ZNF253: variants seen among roughly 807,000 people sequenced by gnomAD.
ZNF253 encodes zinc finger protein 253.
In ZNF253, 8 loss-of-function variants were observed where a neutral mutation model predicts 11.9. The observed-to-expected ratio is 0.67, with a 90% confidence interval of 0.40 to 1.22. The LOEUF (loss-of-function observed/expected upper bound fraction) is 1.22. ZNF253 is among the 50% of genes most tolerant of loss of function. ZNF253 has a pLI of 0.01. For missense variants in ZNF253, 485 were observed against 586.9 expected (o/e 0.83, Z 1.79); for synonymous variants, 194 against 194.9 (o/e 1.00, Z 0.04).
At chr19:19,878,384 CAG>C (rs1284591459) in intron 1 of ZNF253, 95 bp from the exon 2 acceptor site, 1 of 1,595,542 alleles carries the variant, frequency 6.3e-7, no homozygotes. Flanking sequence ...TCCTTTGAGT[CAG>C]AACCAGTTCT....
At chr19:19,888,948 T>C (rs1477981905) in intron 3 of ZNF253, among the ~76,000 whole-genome samples, 1 of 152,006 alleles carries the variant, frequency 6.6e-6, no homozygotes, top group Non-Finnish European at 1.5e-5. Context: ...CTCCTTTTTA[T>C]ATGATAGTAC....
chr19:19,869,654 C>T (rs191283454), intron 1 of ZNF253, among the ~76,000 whole-genome samples: 109 of 139,166 alleles, frequency 7.8e-4, no homozygotes, highest in South Asian at 2.6e-3. Flanking sequence ...AGCCACCATG[C>T]CTGGCCTTTT....
intron 3 of ZNF253, among the ~76,000 whole-genome samples, chr19:19,885,267 CT>C (rs1193211759): frequency 1.8e-5 from 1 of 56,746 alleles, no homozygotes; most frequent in African/African-American, 2.6e-4. Flanking sequence ...TTCTTTCTTT[CT>C]TTCTTTCTTT....
chr19:19,885,222 T>C lies in ZNF253; in HGVS notation c.226+5076T>C, dbSNP rs559018533. Among the ~76,000 whole-genome samples the C allele has an allele frequency of 1.8e-3, 79 of 44,478 alleles. 3 individuals carry two copies. The highest frequency in any genetic ancestry group is 0.013 in the African/African-American group (75 of 5,584). The allele number at this position is 44,478 out of a possible 152,430, so 29.2% of individuals were successfully genotyped here. On this transcript the variant is annotated intron_variant, in intron 3 of 3. Coordinates refer to ENST00000589717, the MANE Select transcript of ZNF253 (RefSeq NM_021047.3). The stretch of plus-strand genomic sequence containing the variant: ...TGTCATGTCTTTTTTTTGTATTCTT[T>C]CTTTCTTTCTTTCTTTCTTTCTTTC...
Position 19,880,127 on chromosome 19 carries a change from G to A in ZNF253, c.207G>A (p.Glu69=). The A allele has an allele frequency of 6.2e-7, 1 of 1,608,836 alleles. No homozygotes were observed. The highest frequency in any genetic ancestry group is 8.5e-7 in the Non-Finnish European group (1 of 1,177,642). ...GKKPLTMERH[E]MIAKPPVMSS... ...AACCTTTAACTATGGAAAGACATGA[G>A]ATGATTGCCAAACCCCCAGGTAGGT... Residue 69 remains glutamate, a synonymous_variant, in exon 3 of 4, where the codon GAG becomes GAA. Coordinates refer to ENST00000589717, the MANE Select transcript of ZNF253 (RefSeq NM_021047.3).
chr19:19,880,774 A>G (rs1599554360), intron 3 of ZNF253, among the ~76,000 whole-genome samples: 1 of 152,086 alleles, frequency 6.6e-6, no homozygotes, highest in Non-Finnish European at 1.5e-5. Context: ...TTGGGGACAC[A>G]CAAATATCTG....
At chr19:19,872,277 G>A (rs1303689379) in intron 1 of ZNF253, among the ~76,000 whole-genome samples, 1 of 151,974 alleles carries the variant, frequency 6.6e-6, no homozygotes, top group African/African-American at 2.4e-5. Context: ...CAAATGTGCA[G>A]GTAACACCTG....
chr19:19,885,279 CTTT>C lies in ZNF253; in HGVS notation c.226+5134_226+5136del, dbSNP rs1568498844. 1.9e-3 allele frequency among the ~76,000 whole-genome samples: 64 copies of C among 33,950 alleles called. 4 individuals are homozygous for C. Among genetic ancestry groups the C allele is most frequent in the African/African-American group, 0.015 (46 of 3,124 alleles). 22.3% of individuals were successfully genotyped at this position (33,950 alleles called of 152,430 possible). A position where few individuals can be genotyped will look rare whatever the true frequency, so the allele number is the denominator to read the frequency against. ...TCTTTCTTTCTTTCTTTCTTTCTTT[CTTT>C]CTTTCTTTCTCTTTCTTTTCTTTCT... On this transcript the variant is annotated intron_variant, in intron 3 of 3. Transcript: ENST00000589717.
At chr19:19,874,133 C>T (rs1026703324) in intron 1 of ZNF253, among the ~76,000 whole-genome samples, 1 of 152,084 alleles carries the variant, frequency 6.6e-6, no homozygotes, top group Non-Finnish European at 1.5e-5. Flanking sequence ...TGGTCTTTAA[C>T]TCCTGACCTC....
intron 2 of ZNF253, among the ~76,000 whole-genome samples, chr19:19,879,372 AC>A (rs1185089508): frequency 8.6e-5 from 13 of 152,014 alleles, no homozygotes; most frequent in Non-Finnish European, 1.2e-4. Context: ...ATTTCTCTGA[AC>A]CCCCACCTTA....
chr19:19,880,093 A>G lies in ZNF253; in HGVS notation c.173A>G (p.Gln58Arg), dbSNP rs774552111. ...CCAGACCTGGTTACCTGTCTGGAGCAAGGAAAAAAACCTTTAACTATGGAA... is the reference window on the plus strand; with the variant it reads ...CCAGACCTGGTTACCTGTCTGGAGCGAGGAAAAAAACCTTTAACTATGGAA... ...SKPDLVTCLE[Q>R]GKKPLTMERH... Residue 58 changes from glutamine to arginine, a missense_variant, in exon 3 of 4, where the codon CAA (glutamine) becomes CGA (arginine). Transcript: ENST00000589717. 2 of 1,609,054 alleles carry G rather than the reference A, an allele frequency of 1.2e-6. No individual in the cohort carries two copies. The highest frequency in any genetic ancestry group is 1.1e-5 in the South Asian group (1 of 90,484).
At chr19:19,880,560 CTGGGCG>C (rs1343325037) in intron 3 of ZNF253, among the ~76,000 whole-genome samples, 1 of 151,994 alleles carries the variant, frequency 6.6e-6, no homozygotes, top group Non-Finnish European at 1.5e-5. Flanking sequence ...CAAAAATTAG[CTGGGCG>C]TGGTGGTGGG....
chr19:19,885,286 T>C (rs1167056642), intron 3 of ZNF253, among the ~76,000 whole-genome samples: 1 of 43,200 alleles, frequency 2.3e-5, no homozygotes, highest in Non-Finnish European at 3.5e-5. Flanking sequence ...TTTCTTTCTT[T>C]CTTTCTCTTT....
At chr19:19,884,855 T>C (rs1436352911) in intron 3 of ZNF253, among the ~76,000 whole-genome samples, 1 of 152,160 alleles carries the variant, frequency 6.6e-6, no homozygotes, top group Non-Finnish European at 1.5e-5. Flanking sequence ...GGTGATTTTG[T>C]TTGTTATGTT....
intron 1 of ZNF253, among the ~76,000 whole-genome samples, chr19:19,870,038 T>C (rs1455875695): frequency 6.6e-6 from 1 of 152,126 alleles, no homozygotes; most frequent in African/African-American, 2.4e-5. Flanking sequence ...GTTATTTTAA[T>C]ATTGTTATTT....
At chr19:19,872,378 A>G (rs941540075) in intron 1 of ZNF253, among the ~76,000 whole-genome samples, 4 of 151,868 alleles carry the variant, frequency 2.6e-5, no homozygotes, top group Admixed American at 2.6e-4. Flanking sequence ...CTTTTATCTG[A>G]CAAATGTAAG....
chr19:19,874,597 C>T (rs996652825), intron 1 of ZNF253, among the ~76,000 whole-genome samples: 4 of 151,734 alleles, frequency 2.6e-5, no homozygotes, highest in Non-Finnish European at 4.4e-5. Context: ...GTTGACAGGG[C>T]GGTGGCTAGA....
At chr19:19,882,624 A>G (rs1362397114) in intron 3 of ZNF253, among the ~76,000 whole-genome samples, 2 of 152,120 alleles carry the variant, frequency 1.3e-5, no homozygotes, top group Non-Finnish European at 2.9e-5. Context: ...TTGTATTACA[A>G]TTTTAGACAA....
In ZNF253 at chr19:19,892,487, C is replaced by T. The variant is rs780431231; in HGVS notation, c.1240C>T (p.His414Tyr). The T allele has an allele frequency of 2.5e-6, 4 of 1,613,652 alleles. No homozygotes were observed. The highest frequency in any genetic ancestry group is 2.7e-5 in the African/African-American group (2 of 74,816). The change falls in exon 4 of 4, where the codon CAT (histidine) becomes TAT (tyrosine). Residue 414 changes from histidine (H) to tyrosine (Y), a missense_variant. Coordinates refer to ENST00000589717, the MANE Select transcript of ZNF253 (RefSeq NM_021047.3). Reference protein sequence around the residue: ...TFTWPSILSKHKRTHTGEKPY... With the variant: ...TFTWPSILSKYKRTHTGEKPY... ...TACCTGGCCCTCAATCCTCTCCAAA[C>T]ATAAAAGAACTCATACTGGAGAGAA...
Sources: gnomAD v4.1 joint callset for allele counts (sites outside exome capture counted in the v4.1 genomes callset) on GRCh38, gnomAD v4.1.1 for gene constraint, MANE v1.5 for transcripts, NCBI Gene and HGNC (gene_info 2026-07-23, HGNC 2026-07-21) for gene names.